Variants in SCFD1 observed in about 807,000 individuals in gnomAD.
SCFD1 encodes sec1 family domain containing 1.
SCFD1 carries 37 observed loss-of-function variants against 103.2 expected under a neutral mutation model. That is an observed-to-expected ratio of 0.36 (90% CI 0.28 to 0.47). SCFD1 has a LOEUF of 0.47. SCFD1 is among the 20% of genes least tolerant of loss of function. SCFD1 has a pLI of 1.00. For missense variants in SCFD1, 639 were observed against 761.2 expected (o/e 0.84, Z 1.89); for synonymous variants, 264 against 245.0 (o/e 1.08, Z -0.73).
chr14:30,658,824 G>T (rs914497733), intron 10 of SCFD1, among the ~76,000 whole-genome samples: 3 of 152,186 alleles, frequency 2.0e-5, no homozygotes, highest in Non-Finnish European at 4.4e-5. Context: ...TGGGTCCAAG[G>T]TTGACATTCT....
chr14:30,631,364 A>T (rs1309829929), intron 3 of SCFD1, among the ~76,000 whole-genome samples: 2 of 152,182 alleles, frequency 1.3e-5, no homozygotes, highest in African/African-American at 4.8e-5. Flanking sequence ...AAATTTAAAA[A>T]AAATTAATTA....
chr14:30,676,821 T>C (rs1889071421), intron 14 of SCFD1, among the ~76,000 whole-genome samples: 1 of 152,156 alleles, frequency 6.6e-6, no homozygotes, highest in South Asian at 2.1e-4. Flanking sequence ...GTTCTGGAAA[T>C]AAAAGTGGAA....
intron 10 of SCFD1, among the ~76,000 whole-genome samples, chr14:30,658,808 A>G (rs961022541): frequency 6.6e-6 from 1 of 152,214 alleles, no homozygotes; most frequent in Non-Finnish European, 1.5e-5. Context: ...TTCAAGATTG[A>G]TGCTTTGGGT....
intron 23 of SCFD1, among the ~76,000 whole-genome samples, chr14:30,726,252 G>A (rs1893037919): frequency 6.6e-6 from 1 of 152,170 alleles, no homozygotes; most frequent in Non-Finnish European, 1.5e-5. Context: ...TCTTAATCAT[G>A]TACAAGCTTG....
At chr14:30,639,518 A>G (rs1885059195) in intron 5 of SCFD1, among the ~76,000 whole-genome samples, 1 of 152,170 alleles carries the variant, frequency 6.6e-6, no homozygotes, top group African/African-American at 2.4e-5. Flanking sequence ...AAGTTCTTGT[A>G]TCTGCTTAAA....
chr14:30,693,783 C>T (rs1196752368), intron 14 of SCFD1, among the ~76,000 whole-genome samples: 1 of 152,086 alleles, frequency 6.6e-6, no homozygotes, highest in Non-Finnish European at 1.5e-5. Flanking sequence ...TGTTTACACC[C>T]TTAATTATAA....
intron 14 of SCFD1, among the ~76,000 whole-genome samples, chr14:30,682,561 T>A (rs1187304153): frequency 6.6e-6 from 1 of 152,202 alleles, no homozygotes; most frequent in African/African-American, 2.4e-5. Context: ...TACAAAGCAA[T>A]TGAGTTTTGG....
intron 21 of SCFD1, among the ~76,000 whole-genome samples, chr14:30,721,119 T>C (rs917245269): frequency 6.6e-6 from 1 of 152,102 alleles, no homozygotes; most frequent in East Asian, 1.9e-4. Context: ...TTCAGTCAGG[T>C]GGACTTGTAG....
intron 3 of SCFD1, among the ~76,000 whole-genome samples, chr14:30,633,615 T>G (rs1413029822): frequency 6.6e-6 from 1 of 152,142 alleles, no homozygotes; most frequent in Non-Finnish European, 1.5e-5. Flanking sequence ...CCACCACATT[T>G]CTATGAAAAG....
At chr14:30,730,162 T>C (rs1893347323) in intron 23 of SCFD1, among the ~76,000 whole-genome samples, 1 of 152,252 alleles carries the variant, frequency 6.6e-6, no homozygotes, top group Non-Finnish European at 1.5e-5. Flanking sequence ...TCCAGCTTCA[T>C]CTATGTCCCT....
At chr14:30,629,055 G>A (rs1883825293) in intron 2 of SCFD1, among the ~76,000 whole-genome samples, 2 of 152,086 alleles carry the variant, frequency 1.3e-5, no homozygotes, top group African/African-American at 2.4e-5. Flanking sequence ...TCCTTTGTGG[G>A]CATCTTCCTA....
At chr14:30,730,808 C>A (rs1033744132) in intron 23 of SCFD1, among the ~76,000 whole-genome samples, 4 of 152,182 alleles carry the variant, frequency 2.6e-5, no homozygotes, top group African/African-American at 9.7e-5. Flanking sequence ...GTTGCCTGTT[C>A]ACTCTGATGG....
At chr14:30,657,988 G>A in intron 10 of SCFD1, 1 of 396,928 alleles carries the variant, frequency 2.5e-6, no homozygotes, top group Non-Finnish European at 4.9e-6. Flanking sequence ...AAAAGAAAAA[G>A]CAACTTTGCA....
chr14:30,651,602 A>G (rs1364695867), intron 9 of SCFD1, among the ~76,000 whole-genome samples: 1 of 150,944 alleles, frequency 6.6e-6, no homozygotes, highest in Non-Finnish European at 1.5e-5. Context: ...CCACTGTGTC[A>G]TATCTTACTT....
intron 7 of SCFD1, chr14:30,644,135 A>G (rs1238441120): frequency 1.7e-5 from 6 of 356,210 alleles, no homozygotes; most frequent in Non-Finnish European, 1.1e-5. Context: ...CCTTAGAATA[A>G]TGACCTCCAG....
chr14:30,725,705 G>T (rs1892995728), intron 23 of SCFD1, among the ~76,000 whole-genome samples: 1 of 152,100 alleles, frequency 6.6e-6, no homozygotes, highest in Non-Finnish European at 1.5e-5. Flanking sequence ...GCCCTGGCCA[G>T]AACTTCCAAT....
At chr14:30,664,825 C>CGAT (rs1643878185) in intron 10 of SCFD1, among the ~76,000 whole-genome samples, 1 of 151,896 alleles carries the variant, frequency 6.6e-6, no homozygotes, top group Non-Finnish European at 1.5e-5. Context: ...CGATATGAAA[C>CGAT]AAGAAGAGAA....
intron 19 of SCFD1, 57 bp downstream of exon 19, chr14:30,708,122 C>T: frequency 9.0e-7 from 1 of 1,109,314 alleles, no homozygotes; most frequent in Non-Finnish European, 1.4e-6. Flanking sequence ...TGTTGACAGG[C>T]TAACTGCTCA....
intron 10 of SCFD1, among the ~76,000 whole-genome samples, chr14:30,666,553 A>G (rs1887989096): frequency 6.6e-6 from 1 of 152,322 alleles, no homozygotes; most frequent in Non-Finnish European, 1.5e-5. Context: ...CTAAGATCAG[A>G]GCAGAAATGA....
Sources: gnomAD v4.1 joint callset for allele counts (sites outside exome capture counted in the v4.1 genomes callset) on GRCh38, gnomAD v4.1.1 for gene constraint, MANE v1.5 for transcripts, NCBI Gene and HGNC (gene_info 2026-07-23, HGNC 2026-07-21) for gene names.